Variants in CCDC170 observed in about 807,000 individuals in gnomAD.
The protein encoded by CCDC170 is coiled-coil domain containing 170.
A neutral mutation model predicts 72.6 loss-of-function variants in CCDC170; 69 were observed. The ratio of observed to expected loss-of-function variants is 0.95; its 90% CI spans 0.78 to 1.16. The LOEUF is 1.16. Ranked by LOEUF, CCDC170 falls within the 50% of genes most tolerant of loss-of-function variation. The pLI is 0.00. For missense variants in CCDC170, 852 were observed against 832.5 expected, an observed-to-expected ratio of 1.02 and a Z score of -0.29; for synonymous variants, 300 against 303.9, an observed-to-expected ratio of 0.99 and a Z score of 0.13.
At chr6:151,577,237 G>A (rs566918970) in intron 6 of CCDC170, among the ~76,000 whole-genome samples, 21 of 152,146 alleles carry the variant, frequency 1.4e-4, no homozygotes, top group Middle Eastern at 3.4e-3. Context: ...GCCTCTACCC[G>A]CTAGTAGCAC....
At position 151,619,968 on chromosome 6, in the gene CCDC170, A is replaced by G. The variant is rs917502282; in HGVS notation, c.*1821A>G. Reference sequence around the variant, plus strand: ...TGGTTTGAATGAAAAAAAGCATAAAATATTCTTGCAATAATTGTAAAAATT... The same window carrying G: ...TGGTTTGAATGAAAAAAAGCATAAAGTATTCTTGCAATAATTGTAAAAATT... On this transcript the variant is annotated 3_prime_UTR_variant, in exon 11 of 11. Coordinates refer to ENST00000239374, the MANE Select transcript of CCDC170 (RefSeq NM_025059.4). 5.3e-5 allele frequency: 8 copies of G among 152,172 alleles called. No individual in the cohort carries two copies. Among genetic ancestry groups the G allele is most frequent in the Admixed American group, 2.0e-4 (3 of 15,274 alleles). 9.4% of individuals were successfully genotyped at this position (152,172 alleles called of 1,614,324 possible). A position where few individuals can be genotyped will look rare whatever the true frequency, so the allele number is the denominator to read the frequency against.
chr6:151,536,636 G>T (rs1782587192), intron 2 of CCDC170, among the ~76,000 whole-genome samples, 190 bp downstream of exon 2: 1 of 151,870 alleles, frequency 6.6e-6, no homozygotes, highest in Admixed American at 6.6e-5. Flanking sequence ...TTAGCTGGGT[G>T]TGGTAGTGAG....
At chr6:151,496,304 TAAG>T (rs1478123720) in intron 1 of CCDC170, among the ~76,000 whole-genome samples, 1 of 152,176 alleles carries the variant, frequency 6.6e-6, no homozygotes, top group Admixed American at 6.5e-5. Flanking sequence ...TAGCAATAAA[TAAG>T]AAATCATATT....
rs1367172976 is a variant in CCDC170 at position 151,538,077 on chromosome 6, AG to A, written c.220del (p.Glu74LysfsTer7). On this transcript the variant is annotated frameshift_variant, in exon 3 of 11. Coordinates refer to ENST00000239374, the MANE Select transcript of CCDC170 (RefSeq NM_025059.4). LOFTEE classifies it high-confidence loss of function. ...ACCTCCGATCCAAGATGCTTTCTAA[AG>A]AAGTCTCCTGTCAAGAACTGAAAGC... The part of the protein sequence containing the change: ...QDLRSKMLSK[E>X]VSCQELKAEM... 6.2e-7 allele frequency: 1 copy of A among 1,613,594 alleles called. No individual in the cohort carries two copies. Among genetic ancestry groups the A allele is most frequent in the Non-Finnish European group, 8.5e-7 (1 of 1,179,896 alleles).
intron 1 of CCDC170, among the ~76,000 whole-genome samples, chr6:151,528,675 TA>T (rs1349634759): frequency 1.3e-5 from 2 of 151,964 alleles, no homozygotes; most frequent in Non-Finnish European, 2.9e-5. Context: ...CCATCTCTAC[TA>T]AAAATACAAA....
At chr6:151,509,981 G>A (rs2089719145) in intron 1 of CCDC170, among the ~76,000 whole-genome samples, 1 of 152,180 alleles carries the variant, frequency 6.6e-6, no homozygotes, top group Admixed American at 6.5e-5. Context: ...AAATTAGCCA[G>A]GCATGGTGGT....
intron 1 of CCDC170, among the ~76,000 whole-genome samples, chr6:151,529,761 G>A (rs369500178): frequency 2.4e-4 from 36 of 152,252 alleles, no homozygotes; most frequent in African/African-American, 7.9e-4. Context: ...AGAGTGGAGC[G>A]GCAGTGTCTT....
intron 5 of CCDC170, among the ~76,000 whole-genome samples, chr6:151,572,390 C>T (rs991577631): frequency 6.6e-6 from 1 of 152,076 alleles, no homozygotes; most frequent in African/African-American, 2.4e-5. Flanking sequence ...ATTGAGGGGG[C>T]ATCTTTATTC....
intron 1 of CCDC170, among the ~76,000 whole-genome samples, chr6:151,519,703 A>G (rs534983485): frequency 2.0e-5 from 3 of 152,268 alleles, no homozygotes; most frequent in East Asian, 1.9e-4. Flanking sequence ...TTCCCGCAAC[A>G]TATATTATTC....
chr6:151,589,921 G>A (rs1562292536), intron 7 of CCDC170, among the ~76,000 whole-genome samples: 1 of 152,082 alleles, frequency 6.6e-6, no homozygotes, highest in African/African-American at 2.4e-5. Flanking sequence ...GGACCCTGGT[G>A]GGGTCTGCGG....
rs545157336 is a variant in CCDC170, at chr6:151,601,928, G to T, written c.1710+5351G>T. On this transcript the variant is annotated intron_variant, in intron 9 of 10. Transcript: ENST00000239374. ...TTAACCATCATAATTCCTTTTTATG[G>T]ATGAGGAATATTTCATTGTATGGAT... Among the ~76,000 whole-genome samples the T allele has an allele frequency of 7.9e-5, 12 of 152,304 alleles. No individual in the cohort carries two copies. In the East Asian group the frequency reaches 2.1e-3, roughly 27 times the overall value.
intron 9 of CCDC170, among the ~76,000 whole-genome samples, chr6:151,600,999 C>T (rs141499671): frequency 2.8e-4 from 43 of 152,220 alleles, no homozygotes; most frequent in African/African-American, 1.0e-3. Flanking sequence ...TAATACGTGG[C>T]CTTTGTCTCT....
intron 6 of CCDC170, among the ~76,000 whole-genome samples, chr6:151,577,529 C>T (rs1376164704): frequency 6.6e-6 from 1 of 152,162 alleles, no homozygotes; most frequent in Non-Finnish European, 1.5e-5. Flanking sequence ...TCTTCTTCAC[C>T]TCTATCTGGA....
At chr6:151,609,251 C>G (rs371689587) in intron 9 of CCDC170, among the ~76,000 whole-genome samples, 3 of 152,102 alleles carry the variant, frequency 2.0e-5, no homozygotes, top group Admixed American at 1.3e-4. Flanking sequence ...GTGTCCTTTT[C>G]AAAGAGGGAC....
At chr6:151,503,173 T>TA (rs1256831535) in intron 1 of CCDC170, among the ~76,000 whole-genome samples, 12 of 150,568 alleles carry the variant, frequency 8.0e-5, no homozygotes, top group Middle Eastern at 3.5e-3. Flanking sequence ...GAGACTACAT[T>TA]TAAAAAAAAA....
chr6:151,575,525 C>CTTTTTTTTTTTTT (rs869185539), intron 6 of CCDC170, among the ~76,000 whole-genome samples: 8 of 79,672 alleles, frequency 1.0e-4, no homozygotes, highest in African/African-American at 1.6e-4. Flanking sequence ...TCTTTTCTTT[C>CTTTTTTTTTTTTT]TTTTTTTTTT....
chr6:151,584,908 G>A (rs1434206579), intron 6 of CCDC170, among the ~76,000 whole-genome samples: 1 of 152,146 alleles, frequency 6.6e-6, no homozygotes, highest in African/African-American at 2.4e-5. Context: ...AAACAGTCAG[G>A]ATGTTTCCAT....
chr6:151,592,392 T>C (rs1482154547), intron 7 of CCDC170, among the ~76,000 whole-genome samples: 2 of 151,670 alleles, frequency 1.3e-5, no homozygotes, highest in Non-Finnish European at 2.9e-5. Flanking sequence ...AATAAATAAA[T>C]AAGACATACC....
chr6:151,577,515 G>A (rs1776319368), intron 6 of CCDC170, among the ~76,000 whole-genome samples: 1 of 152,160 alleles, frequency 6.6e-6, no homozygotes, highest in South Asian at 2.1e-4. Flanking sequence ...AGGCAATTTT[G>A]TTTTCTTCTT....
Sources: gnomAD v4.1 joint callset for allele counts (sites outside exome capture counted in the v4.1 genomes callset) on GRCh38, gnomAD v4.1.1 for gene constraint, MANE v1.5 for transcripts, NCBI Gene and HGNC (gene_info 2026-07-23, HGNC 2026-07-21) for gene names.